USP24: variants seen among roughly 807,000 people sequenced by gnomAD.
USP24 encodes ubiquitin carboxyl-terminal hydrolase 24.
Under a neutral mutation model 361.6 loss-of-function variants are expected in USP24, and 97 were observed. That is an observed-to-expected ratio of 0.27 (90% CI 0.23 to 0.32). The LOEUF is 0.32. Among genes scored for constraint, USP24 ranks in the 10% least tolerant of loss-of-function variants. The pLI is 1.00. For missense variants in USP24, 2,353 were observed against 3,165.6 expected (o/e 0.74, Z 6.16); for synonymous variants, 1,098 against 1,124.6 (o/e 0.98, Z 0.47).
intron 53 of USP24, 46 bp from the exon 54 acceptor site, chr1:55,092,172 A>G: frequency 8.0e-7 from 1 of 1,242,576 alleles, no homozygotes. Flanking sequence ...CAGAAGTTTT[A>G]TAGATTATTA....
rs1435430829 is a variant in USP24, at chr1:55,081,428, T to A, written c.6976-4A>T. On this transcript the variant is annotated splice_region_variant and splice_polypyrimidine_tract_variant and intron_variant, in intron 58 of 67. Transcript: ENST00000294383. ...GTGCTGAACTCCATCGACGTATCTG[T>A]CATCAGGGAAGATAAAGTGGCTGTT... is the stretch of plus-strand genomic sequence containing the variant. 17 of 1,613,162 alleles carry A rather than the reference T, an allele frequency of 1.1e-5. No homozygotes were observed. The highest frequency in any genetic ancestry group is 1.4e-5 in the Non-Finnish European group (17 of 1,179,394).
chr1:55,148,619 G>C, intron 16 of USP24, 49 bp from the exon 17 acceptor site: 1 of 1,344,650 alleles, frequency 7.4e-7, no homozygotes. Context: ...ATAAACAGCA[G>C]ATTCATTTAT....
In USP24 at chr1:55,173,860, T is replaced by C. The variant is rs182022879; in HGVS notation, c.559-1340A>G. On this transcript the variant is annotated intron_variant, in intron 3 of 67. Coordinates refer to ENST00000294383, the MANE Select transcript of USP24 (RefSeq NM_015306.3). ...ATAATAAAGCAAAACAAAGCAGAGA[T>C]TACCAATTAAGAAGCTTCAAGTGAC... 1.8e-3 allele frequency among the ~76,000 whole-genome samples: 277 copies of C among 152,276 alleles called. 2 individuals are homozygous for C. Among genetic ancestry groups the C allele is most frequent in the African/African-American group, 6.5e-3 (271 of 41,560 alleles).
intron 59 of USP24, among the ~76,000 whole-genome samples, chr1:55,080,269 T>C (rs1169291098): frequency 1.3e-5 from 2 of 152,198 alleles, no homozygotes; most frequent in Non-Finnish European, 2.9e-5. Context: ...TTAGATGAGT[T>C]GGAGTTTAGT....
chr1:55,214,749 CCAGTGGCTTCCCA>C lies in USP24; in HGVS notation c.324+28_324+40del, dbSNP rs1445128385. The C allele has an allele frequency of 2.1e-5, 25 of 1,184,738 alleles. No homozygotes were observed. The East Asian group carries it at 8.7e-4, about 41-fold the overall frequency. The allele number at this position is 1,184,738 out of a possible 1,614,324, so 73.4% of individuals were successfully genotyped here. ...TGTGTCCCCTCCCAGGAACTCCAGC[CCAGTGGCTTCCCA>C]CAGAGGTCTGGGGTTGCCCCTCCTC... On this transcript the variant is annotated intron_variant, in intron 1 of 67. Transcript: ENST00000294383.
rs866912905 is a variant in USP24 at position 55,120,749 on chromosome 1, C to A, written c.4355G>T (p.Arg1452Leu). ...AGTGTACAGCTGATCACAGGCAACC[C>A]GGCGAATCTGAAATTACATGATCAG... The part of the protein sequence containing the change: ...LLGSPSAEIR[R>L]VACDQLYTLS... The change falls in exon 38 of 68, where the codon CGG becomes CTG. Residue 1452 changes from arginine (R) to leucine (L), a missense_variant. By Grantham distance (102) the Arg-to-Leu change is moderately radical (BLOSUM62 -2). This residue lies in a region of USP24 where 949 missense variants were observed against 1,280.5 expected (regional missense o/e 0.74). Coordinates refer to ENST00000294383, the MANE Select transcript of USP24 (RefSeq NM_015306.3). 1.3e-6 allele frequency: 2 copies of A among 1,565,288 alleles called. No homozygotes were observed. Among genetic ancestry groups the A allele is most frequent in the East Asian group, 2.3e-5 (1 of 42,794 alleles).
rs781725777 is a variant in USP24 at position 55,176,366 on chromosome 1, T to C, written c.558+10A>G. On this transcript the variant is annotated intron_variant, in intron 3 of 67. Coordinates refer to ENST00000294383, the MANE Select transcript of USP24 (RefSeq NM_015306.3). ...ACACACAAAATATCACAGCAGCACA[T>C]TTTTCTTACCTTTTTAAATGCTTCA... is the stretch of plus-strand genomic sequence containing the variant. The C allele has an allele frequency of 7.7e-6, 12 of 1,552,406 alleles. No homozygotes were observed. The highest frequency in any genetic ancestry group is 1.0e-5 in the Non-Finnish European group (12 of 1,143,962).
rs779270985 is a variant in USP24, at chr1:55,121,512, A to G, written c.4277-6T>C. On this transcript the variant is annotated splice_polypyrimidine_tract_variant and splice_region_variant and intron_variant, in intron 36 of 67. Coordinates refer to ENST00000294383, the MANE Select transcript of USP24 (RefSeq NM_015306.3). ...GGGCAAGTTATAGAAAGATGCTAAT[A>G]AGAAGAAATGGGGGATGTGGGTGTG... is the stretch of plus-strand genomic sequence containing the variant. 12 of 1,612,496 alleles carry G rather than the reference A, an allele frequency of 7.4e-6. No homozygotes were observed. The Admixed American group carries it at 2.0e-4, about 27-fold the overall frequency.
In USP24 at chr1:55,134,429, A is replaced by G. The variant is rs763487632; in HGVS notation, c.3202-16T>C. 6 of 1,593,506 alleles carry G rather than the reference A, an allele frequency of 3.8e-6. No individual in the cohort carries two copies. The highest frequency in any genetic ancestry group is 4.3e-6 in the Non-Finnish European group (5 of 1,164,122). On this transcript the variant is annotated splice_polypyrimidine_tract_variant and intron_variant, in intron 28 of 67. Transcript: ENST00000294383. ...GGGATTTCTCCTGATGGAAAAAAGC[A>G]AAATAGAAATTCAAATTTACAAAAG...
chr1:55,102,517 A>G (rs552907996), intron 42 of USP24, among the ~76,000 whole-genome samples: 1 of 152,222 alleles, frequency 6.6e-6, no homozygotes, highest in African/African-American at 2.4e-5. Flanking sequence ...CATATTAAGT[A>G]TCTGCATCCA....
At chr1:55,070,291 T>C (rs1213032786) in intron 67 of USP24, among the ~76,000 whole-genome samples, 3 of 151,800 alleles carry the variant, frequency 2.0e-5, no homozygotes, top group African/African-American at 7.3e-5. Flanking sequence ...CCAAGGTGGG[T>C]GCGGAGAGAA....
At chr1:55,114,886 T>C (rs778274145) in intron 38 of USP24, among the ~76,000 whole-genome samples, 3 of 151,956 alleles carry the variant, frequency 2.0e-5, no homozygotes, top group South Asian at 2.1e-4. Context: ...TATCCCGAAA[T>C]TGACAAATGG....
At chr1:55,150,031 GTC>G (rs1393601491) in intron 16 of USP24, among the ~76,000 whole-genome samples, 3 of 152,126 alleles carry the variant, frequency 2.0e-5, no homozygotes, top group Admixed American at 6.6e-5. Flanking sequence ...AGCACTAAAT[GTC>G]TCTCTGTCCT....
At position 55,120,625 on chromosome 1, in the gene USP24, T is replaced by G. The variant is rs1646252783; in HGVS notation, c.4479A>C (p.Pro1493=). 6.4e-7 allele frequency: 1 copy of G among 1,557,226 alleles called. No individual in the cohort carries two copies. The highest frequency in any genetic ancestry group is 1.4e-5 in the African/African-American group (1 of 73,464). The change falls in exon 38 of 68, where the codon CCA becomes CCC. Residue 1493 remains proline, a synonymous_variant. Coordinates refer to ENST00000294383, the MANE Select transcript of USP24 (RefSeq NM_015306.3). ...GATTGACTCCTCTCATAATACTAGT[T>G]GGAGACCAGAGAGGCAGCTGAGCCG... ...ILTAQLPLWS[P]TSIMRGVNQR...
At chr1:55,119,344 T>G (rs955073046) in intron 38 of USP24, among the ~76,000 whole-genome samples, 5 of 152,170 alleles carry the variant, frequency 3.3e-5, no homozygotes, top group African/African-American at 1.2e-4. Flanking sequence ...ATGATTCCAC[T>G]TATATGAGGT....
Position 55,192,895 on chromosome 1 carries a change from C to T in USP24, c.325-14763G>A, listed in dbSNP as rs201546528. Among the ~76,000 whole-genome samples the T allele has an allele frequency of 3.9e-5, 6 of 152,294 alleles. No individual in the cohort carries two copies. The East Asian group carries it at 1.2e-3, about 29-fold the overall frequency. Reference sequence around the variant, plus strand: ...TATGAGTAGTAAATAACTTCCTAAACTATTCAACAAAAGCTGACTTTTGTA... The same window carrying T: ...TATGAGTAGTAAATAACTTCCTAAATTATTCAACAAAAGCTGACTTTTGTA... On this transcript the variant is annotated intron_variant, in intron 1 of 67. Coordinates refer to ENST00000294383, the MANE Select transcript of USP24 (RefSeq NM_015306.3).
At chr1:55,084,138 G>A (rs1219395838) in intron 56 of USP24, among the ~76,000 whole-genome samples, 3 of 152,160 alleles carry the variant, frequency 2.0e-5, no homozygotes, top group Admixed American at 6.5e-5. Flanking sequence ...TCAGAGTCAA[G>A]GGCATCAATT....
chr1:55,208,694 C>G (rs141233593), intron 1 of USP24, among the ~76,000 whole-genome samples: 11 of 150,180 alleles, frequency 7.3e-5, no homozygotes, highest in African/African-American at 2.7e-4. Context: ...TCCCAGCACT[C>G]TGGGAGGCAG....
At chr1:55,188,392 T>G (rs142153745) in intron 1 of USP24, among the ~76,000 whole-genome samples, 5 of 151,748 alleles carry the variant, frequency 3.3e-5, no homozygotes, top group Non-Finnish European at 2.9e-5. Flanking sequence ...AAAGTCACCA[T>G]TAAGAAAGTG....
Sources: gnomAD v4.1 joint callset for allele counts (sites outside exome capture counted in the v4.1 genomes callset) on GRCh38, gnomAD v4.1.1 for gene constraint, gnomAD v4.1.1 regional missense constraint, MANE v1.5 for transcripts, NCBI Gene and HGNC (gene_info 2026-07-23, HGNC 2026-07-21) for gene names.